Variants in TMEM62 observed in about 807,000 individuals in gnomAD.
TMEM62 encodes transmembrane protein 62.
TMEM62 carries 41 observed loss-of-function variants against 70.4 expected under a neutral mutation model. The observed-to-expected ratio is 0.58, with a 90% CI of 0.45 to 0.76. TMEM62 has a LOEUF of 0.76. TMEM62 is among the 30% of genes least tolerant of loss of function. TMEM62 has a pLI of 0.00. For missense variants in TMEM62, 688 were observed against 788.5 expected (o/e 0.87, Z 1.53); for synonymous variants, 268 against 291.0 (o/e 0.92, Z 0.80).
Position 43,184,469 on chromosome 15 carries a change from C to G in TMEM62, c.1815C>G (p.Ser605=), listed in dbSNP as rs143110517. The G allele has an allele frequency of 1.2e-6, 2 of 1,614,128 alleles. No homozygotes were observed. The highest frequency in any genetic ancestry group is 1.3e-5 in the African/African-American group (1 of 75,044). Residue 605 remains serine, a synonymous_variant, in exon 14 of 14, where the codon TCC becomes TCG. Coordinates refer to ENST00000260403, the MANE Select transcript of TMEM62 (RefSeq NM_024956.4). Reference sequence around the variant, plus strand: ...ACGGCACCCTAGCTTTTTTATTCTCCCCTTTGCGGACCTGGTTGACACTGC... The same window carrying G: ...ACGGCACCCTAGCTTTTTTATTCTCGCCTTTGCGGACCTGGTTGACACTGC... The part of the protein sequence containing the change: ...ATYGTLAFLF[S]PLRTWLTLLT...
chr15:43,185,042 T>C lies in TMEM62; in HGVS notation c.*456T>C, dbSNP rs375794518. On this transcript the variant is annotated 3_prime_UTR_variant, in exon 14 of 14. Transcript: ENST00000260403. ...CCCGACCCTCACTACCCCTGAGATA[T>C]TAGTTCCCAGGCCTGTTTTCCCACA... 8.3e-6 allele frequency: 2 copies of C among 241,930 alleles called. No individual in the cohort carries two copies. The highest frequency in any genetic ancestry group is 2.3e-5 in the African/African-American group (1 of 43,316). 15.0% of individuals were successfully genotyped at this position (241,930 alleles called of 1,614,324 possible). A position where few individuals can be genotyped will look rare whatever the true frequency, so the allele number is the denominator to read the frequency against.
chr15:43,178,037 A>G (rs894146205), intron 11 of TMEM62, among the ~76,000 whole-genome samples: 2 of 152,134 alleles, frequency 1.3e-5, no homozygotes, highest in Non-Finnish European at 2.9e-5. Context: ...ATGTATAGGA[A>G]AGGACCATAT....
intron 10 of TMEM62, among the ~76,000 whole-genome samples, chr15:43,166,376 C>T (rs2039415316): frequency 6.6e-6 from 1 of 152,138 alleles, no homozygotes; most frequent in Non-Finnish European, 1.5e-5. Flanking sequence ...GGGAATCATA[C>T]AGCAAACACC....
intron 9 of TMEM62, among the ~76,000 whole-genome samples, chr15:43,157,946 G>A (rs927508832): frequency 3.3e-5 from 5 of 152,070 alleles, no homozygotes; most frequent in African/African-American, 1.2e-4. Flanking sequence ...TAACCGACTT[G>A]TCTCTTTCAT....
At chr15:43,168,088 C>T (rs535941440) in intron 10 of TMEM62, among the ~76,000 whole-genome samples, 118 of 147,854 alleles carry the variant, frequency 8.0e-4, no homozygotes, top group Non-Finnish European at 1.5e-3. Flanking sequence ...AGTCCAGCTT[C>T]GGCTCGGCAT....
intron 5 of TMEM62, 104 bp from the exon 6 acceptor site, chr15:43,148,651 A>T: frequency 7.3e-7 from 1 of 1,368,416 alleles, no homozygotes; most frequent in Non-Finnish European, 1.0e-6. Context: ...GCCTAGACAC[A>T]TATAATAATT....
chr15:43,165,521 C>G (rs536505190), intron 10 of TMEM62, among the ~76,000 whole-genome samples: 195 of 152,050 alleles, frequency 1.3e-3, no homozygotes, highest in African/African-American at 4.2e-3. Context: ...ATCACAAGGT[C>G]GGGAGATAGA....
intron 10 of TMEM62, among the ~76,000 whole-genome samples, chr15:43,166,438 C>T (rs936120314): frequency 6.6e-6 from 1 of 152,034 alleles, no homozygotes; most frequent in African/African-American, 2.4e-5. Flanking sequence ...AACAGAATAT[C>T]TGAGGATTGC....
At chr15:43,165,016 G>A (rs535869714) in intron 10 of TMEM62, among the ~76,000 whole-genome samples, 1 of 151,940 alleles carries the variant, frequency 6.6e-6, no homozygotes, top group Non-Finnish European at 1.5e-5. Context: ...TTGGGAATTT[G>A]GTTAATAAAT....
In TMEM62 at chr15:43,133,915, C is replaced by T; in HGVS notation, c.113C>T (p.Pro38Leu). The T allele has an allele frequency of 6.7e-7, 1 of 1,495,530 alleles. No homozygotes were observed. Among genetic ancestry groups the T allele is most frequent in the East Asian group, 2.7e-5 (1 of 37,636 alleles). The allele number at this position is 1,495,530 out of a possible 1,614,324, so 92.6% of individuals were successfully genotyped here. Residue 38 changes from proline to leucine, a missense_variant, in exon 1 of 14, where the codon CCC (proline) becomes CTC (leucine). Coordinates refer to ENST00000260403, the MANE Select transcript of TMEM62 (RefSeq NM_024956.4). ...LAGQPSPLPR[P>L]APPRRPHPAP... ...GGCCAGCCCTCGCCGCTGCCGCGCC[C>T]CGCGCCCCCCAGGAGGCCGCACCCT...
intron 10 of TMEM62, among the ~76,000 whole-genome samples, chr15:43,161,709 G>A (rs962644165): frequency 2.0e-5 from 3 of 152,292 alleles, no homozygotes; most frequent in Middle Eastern, 3.4e-3. Flanking sequence ...TTCCCAGGCT[G>A]GAGTGCAATA....
chr15:43,183,358 T>C (rs1421894866), intron 13 of TMEM62, among the ~76,000 whole-genome samples: 1 of 152,232 alleles, frequency 6.6e-6, no homozygotes, highest in Non-Finnish European at 1.5e-5. Flanking sequence ...AACTTTACAA[T>C]CAGCTCACTT....
At chr15:43,163,888 A>G (rs9972314) in intron 10 of TMEM62, among the ~76,000 whole-genome samples, 9,921 of 152,288 alleles carry the variant, frequency 0.065, 1,079 homozygotes, top group African/African-American at 0.22. Context: ...GTGACGGTCC[A>G]GGATCTTACT....
At position 43,147,979 on chromosome 15, in the gene TMEM62, G is replaced by T. The variant is rs1003279225; in HGVS notation, c.619-776G>T. 1.3e-5 allele frequency among the ~76,000 whole-genome samples: 2 copies of T among 152,334 alleles called. 1 individual carries two copies. The highest frequency in any genetic ancestry group is 1.3e-4 in the Admixed American group (2 of 15,304). Reference sequence around the variant, plus strand: ...TTTTTGAAATCAACTTTTGAGGTATGATTTGAGTACTATAAAATACCCTCA... The same window carrying T: ...TTTTTGAAATCAACTTTTGAGGTATTATTTGAGTACTATAAAATACCCTCA... On this transcript the variant is annotated intron_variant, in intron 5 of 13. Transcript: ENST00000260403.
intron 9 of TMEM62, 59 bp from the exon 10 acceptor site, chr15:43,160,622 G>T: frequency 1.2e-6 from 1 of 855,720 alleles, no homozygotes; most frequent in South Asian, 1.7e-5. Context: ...TTTTAATTTA[G>T]AACATTATAA....
At position 43,154,798 on chromosome 15, in the gene TMEM62, T is replaced by C. The variant is rs749079966; in HGVS notation, c.1149T>C (p.Ser383=). ...TGAAGTGGAATCCTAGAAACTACAG[T>C]AGTGGGACACATAACATAGAAGTAA... ...FVLKWNPRNY[S]SGTHNIEVIV... is the part of the protein sequence containing the mutation. Residue 383 remains serine, a synonymous_variant, in exon 9 of 14, where the codon AGT becomes AGC. Transcript: ENST00000260403. The C allele has an allele frequency of 6.2e-7, 1 of 1,613,184 alleles. No homozygotes were observed. Among genetic ancestry groups the C allele is most frequent in the Non-Finnish European group, 8.5e-7 (1 of 1,179,634 alleles).
At position 43,146,574 on chromosome 15, in the gene TMEM62, A is replaced by G; in HGVS notation, c.558A>G (p.Val186=). 1 of 1,613,752 alleles carries G rather than the reference A, an allele frequency of 6.2e-7. No homozygotes were observed. The highest frequency in any genetic ancestry group is 8.5e-7 in the Non-Finnish European group (1 of 1,179,716). ...TPFGNYSFIC[V]DATVNPGPKR... is the part of the protein sequence containing the mutation. ...TTGGCAACTATTCGTTCATCTGTGT[A>G]GATGCCACTGTAAATCCAGGGCCTA... The change falls in exon 5 of 14, where the codon GTA becomes GTG. Residue 186 remains valine, a synonymous_variant. Coordinates refer to ENST00000260403, the MANE Select transcript of TMEM62 (RefSeq NM_024956.4).
chr15:43,156,079 T>C (rs1003398969), intron 9 of TMEM62, among the ~76,000 whole-genome samples: 3 of 152,202 alleles, frequency 2.0e-5, no homozygotes, highest in Non-Finnish European at 4.4e-5. Context: ...TGCAACTTTA[T>C]GATTTGATGA....
chr15:43,155,532 A>T (rs1466309307), intron 9 of TMEM62, among the ~76,000 whole-genome samples: 1 of 152,172 alleles, frequency 6.6e-6, no homozygotes, highest in East Asian at 1.9e-4. Flanking sequence ...TAAATTGAAT[A>T]CACTGTATTT....
Sources: allele counts gnomAD v4.1 joint callset (sites outside exome capture counted in the v4.1 genomes callset), GRCh38; gene constraint gnomAD v4.1.1; transcripts MANE v1.5; gene names NCBI Gene and HGNC (gene_info 2026-07-23, HGNC 2026-07-21).